POU1F1: variants seen among roughly 807,000 people sequenced by gnomAD.
POU1F1 encodes POU class 1 homeobox 1.
POU1F1 carries 23 observed loss-of-function variants against 32.3 expected under a neutral mutation model. That is an observed-to-expected ratio of 0.71 (90% CI 0.51 to 1.01). The LOEUF is 1.01. Among genes scored for constraint, POU1F1 ranks in the 50% least tolerant of loss-of-function variants. The pLI, the probability that POU1F1 is intolerant of heterozygous loss-of-function variation, is 0.00. For missense variants in POU1F1, 323 were observed against 341.6 expected, an observed-to-expected ratio of 0.95 and a Z score of 0.43; for synonymous variants, 120 against 115.6, an observed-to-expected ratio of 1.04 and a Z score of -0.25.
intron 3 of POU1F1, among the ~76,000 whole-genome samples, chr3:87,262,877 A>T (rs1276368643): frequency 3.3e-5 from 5 of 152,134 alleles, no homozygotes; most frequent in Admixed American, 6.6e-5. Context: ...CTGAAATAAC[A>T]TATAATTTGA....
chr3:87,268,595 T>C lies in POU1F1; in HGVS notation c.215-4083A>G, dbSNP rs145209383. Among the ~76,000 whole-genome samples the C allele has an allele frequency of 3.0e-3, 458 of 152,264 alleles. 3 individuals carry two copies. The highest frequency in any genetic ancestry group is 0.011 in the African/African-American group (439 of 41,556). ...GATTGGGATGATATGTATAGCAATATGTTTTTCAAATCTTTTTAAAACCCA... is the reference window on the plus strand; with the variant it reads ...GATTGGGATGATATGTATAGCAATACGTTTTTCAAATCTTTTTAAAACCCA... On this transcript the variant is annotated intron_variant, in intron 2 of 5. Transcript: ENST00000350375.
intron 2 of POU1F1, among the ~76,000 whole-genome samples, chr3:87,272,686 G>A (rs530960081): frequency 1.3e-5 from 2 of 152,282 alleles, no homozygotes; most frequent in South Asian, 2.1e-4. Flanking sequence ...AGAAAAGTAT[G>A]TAACTTCAAT....
At chr3:87,265,801 A>G (rs1283114898) in intron 2 of POU1F1, among the ~76,000 whole-genome samples, 2 of 151,958 alleles carry the variant, frequency 1.3e-5, no homozygotes, top group African/African-American at 4.8e-5. Context: ...ATATGCAAAT[A>G]CTACACCATT....
chr3:87,262,379 G>T (rs1200493837), intron 3 of POU1F1, 144 bp from the exon 4 acceptor site: 1 of 864,968 alleles, frequency 1.2e-6, no homozygotes, highest in South Asian at 1.7e-5. Context: ...GAATTATTTA[G>T]TAAGATTCAT....
intron 2 of POU1F1, among the ~76,000 whole-genome samples, chr3:87,269,050 G>A (rs973305463): frequency 3.3e-5 from 5 of 152,094 alleles, no homozygotes; most frequent in Admixed American, 2.6e-4. Context: ...GAGGGACATA[G>A]TAAAATACGC....
At chr3:87,270,930 A>G (rs551145754) in intron 2 of POU1F1, among the ~76,000 whole-genome samples, 1 of 152,228 alleles carries the variant, frequency 6.6e-6, no homozygotes, top group Non-Finnish European at 1.5e-5. Context: ...ACATTCTGAC[A>G]TTTAAAGCAT....
At chr3:87,274,885 A>T (rs1706797580) in intron 1 of POU1F1, among the ~76,000 whole-genome samples, 1 of 151,876 alleles carries the variant, frequency 6.6e-6, no homozygotes, top group Admixed American at 6.6e-5. Flanking sequence ...AGTTAAATAC[A>T]GGATAGGCTA....
rs568124971 is a variant in POU1F1, at chr3:87,259,872, G to C, written c.*22C>G. On this transcript the variant is annotated 3_prime_UTR_variant, in exon 6 of 6. Coordinates refer to ENST00000350375, the MANE Select transcript of POU1F1 (RefSeq NM_000306.4). ...GAAAGGAATGAAACGGGAGAAAAAG[G>C]CTATTATACAATAGAAAAATCTTAT... 2 of 1,582,744 alleles carry C rather than the reference G, an allele frequency of 1.3e-6. No homozygotes were observed. The highest frequency in any genetic ancestry group is 1.3e-5 in the African/African-American group (1 of 74,330).
At chr3:87,263,076 A>T (rs1706541646) in intron 3 of POU1F1, among the ~76,000 whole-genome samples, 1 of 152,156 alleles carries the variant, frequency 6.6e-6, no homozygotes, top group Non-Finnish European at 1.5e-5. Context: ...TCATTCTGCA[A>T]GTGCAGAGGT....
rs116121461 is a variant in POU1F1 at position 87,272,381 on chromosome 3, G to A, written c.214+966C>T. On this transcript the variant is annotated intron_variant, in intron 2 of 5. Transcript: ENST00000350375. ...AGGTTAGTTACATATGTATACATGCGCCATGCTGGTGCGCTGCACCCATTA... is the reference window on the plus strand; with the variant it reads ...AGGTTAGTTACATATGTATACATGCACCATGCTGGTGCGCTGCACCCATTA... Among the ~76,000 whole-genome samples, 680 of 152,134 alleles carry A rather than the reference G, an allele frequency of 4.5e-3. 3 individuals carry two copies. Among genetic ancestry groups the A allele is most frequent in the Non-Finnish European group, 7.1e-3 (483 of 68,006 alleles).
intron 3 of POU1F1, among the ~76,000 whole-genome samples, chr3:87,262,773 G>A (rs1166011047): frequency 3.3e-5 from 5 of 152,052 alleles, no homozygotes; most frequent in Non-Finnish European, 5.9e-5. Flanking sequence ...CACATTTCAT[G>A]TATACTTCTG....
intron 2 of POU1F1, among the ~76,000 whole-genome samples, chr3:87,267,795 G>A (rs1015963804): frequency 7.2e-5 from 11 of 151,904 alleles, no homozygotes; most frequent in Admixed American, 3.9e-4. Context: ...TTGCACAGAC[G>A]GGATCTCACT....
Position 87,260,868 on chromosome 3 carries a change from T to A in POU1F1, c.665+405A>T, listed in dbSNP as rs567926957. Among the ~76,000 whole-genome samples the A allele has an allele frequency of 3.9e-4, 55 of 140,148 alleles. 1 individual carries two copies. Among genetic ancestry groups the A allele is most frequent in the African/African-American group, 1.4e-3 (53 of 38,178 alleles). 91.9% of individuals were successfully genotyped at this position (140,148 alleles called of 152,430 possible). On this transcript the variant is annotated intron_variant, in intron 5 of 5. Coordinates refer to ENST00000350375, the MANE Select transcript of POU1F1 (RefSeq NM_000306.4). The stretch of plus-strand genomic sequence containing the variant: ...ATTAAGTTATTACATTATTATTATT[T>A]TTTTTTTATTTATTTATTTATTTAT...
chr3:87,266,299 T>C (rs1706620662), intron 2 of POU1F1, among the ~76,000 whole-genome samples: 1 of 146,856 alleles, frequency 6.8e-6, no homozygotes, highest in Admixed American at 6.8e-5. Context: ...ATAAATTTAA[T>C]TTAATGTATT....
chr3:87,265,915 A>G (rs969589803), intron 2 of POU1F1, among the ~76,000 whole-genome samples: 4 of 151,678 alleles, frequency 2.6e-5, no homozygotes, highest in Non-Finnish European at 4.4e-5. Context: ...ATTTTTATAT[A>G]AAAATATTGA....
chr3:87,272,950 C>T (rs1195697633), intron 2 of POU1F1, among the ~76,000 whole-genome samples: 1 of 152,104 alleles, frequency 6.6e-6, no homozygotes, highest in African/African-American at 2.4e-5. Flanking sequence ...AACTGAGAAA[C>T]TGAATTTGAA....
intron 5 of POU1F1, among the ~76,000 whole-genome samples, chr3:87,260,417 C>T (rs1706488291): frequency 1.3e-5 from 2 of 152,114 alleles, no homozygotes; most frequent in Admixed American, 6.6e-5. Context: ...TGAACATTTT[C>T]CTAGACATTT....
chr3:87,272,745 G>A (rs1306017226), intron 2 of POU1F1, among the ~76,000 whole-genome samples: 1 of 152,104 alleles, frequency 6.6e-6, no homozygotes, highest in Non-Finnish European at 1.5e-5. Context: ...AGAAAGGGCT[G>A]CTAAAGCCTG....
intron 2 of POU1F1, among the ~76,000 whole-genome samples, chr3:87,265,942 TTATAAA>T (rs1432325640): frequency 4.6e-5 from 7 of 151,454 alleles, no homozygotes; most frequent in Admixed American, 2.6e-4. Context: ...AATCATTTTC[TTATAAA>T]TATAAATATT....
Sources: gnomAD v4.1 joint callset for allele counts (sites outside exome capture counted in the v4.1 genomes callset) on GRCh38, gnomAD v4.1.1 for gene constraint, MANE v1.5 for transcripts, NCBI Gene and HGNC (gene_info 2026-07-23, HGNC 2026-07-21) for gene names.